FN1: variants seen among roughly 807,000 people sequenced by gnomAD.
FN1 encodes the protein fibronectin 1.
A neutral mutation model predicts 297.3 loss-of-function variants in FN1; 106 were observed. That is an observed-to-expected ratio of 0.36 (90% CI 0.30 to 0.42). The LOEUF is 0.42. Ranked by LOEUF, FN1 falls within the 10% of genes least tolerant of loss-of-function variation. The pLI, the probability that FN1 is intolerant of heterozygous loss-of-function variation, is 1.00. For missense variants in FN1, 2,690 were observed against 3,124.9 expected (o/e 0.86, Z 3.32); for synonymous variants, 1,149 against 1,152.6 (o/e 1.00, Z 0.06).
At chr2:215,376,391 A>G (rs1003336331) in intron 36 of FN1, 107 bp downstream of exon 36, 25 of 1,036,140 alleles carry the variant, frequency 2.4e-5, no homozygotes, top group Non-Finnish European at 3.5e-5. Flanking sequence ...TTATGATGAT[A>G]ACACTGAAAA....
rs193146388 is a variant in FN1 at position 215,361,155 on chromosome 2, C to T, written c.*400G>A. 6 of 220,912 alleles carry T rather than the reference C, an allele frequency of 2.7e-5. No homozygotes were observed. The highest frequency in any genetic ancestry group is 1.1e-4 in the East Asian group (1 of 9,226). The allele number at this position is 220,912 out of a possible 1,614,324, so 13.7% of individuals were successfully genotyped here. A position where few individuals can be genotyped will look rare whatever the true frequency, so the allele number is the denominator to read the frequency against. Reference sequence around the variant, plus strand: ...GATCATGCTTGTTCCTACAGTATTGCGGGCCAGACACTTAAGTGAAAGCAG... The same window carrying T: ...GATCATGCTTGTTCCTACAGTATTGTGGGCCAGACACTTAAGTGAAAGCAG... On this transcript the variant is annotated 3_prime_UTR_variant, in exon 46 of 46. Coordinates refer to ENST00000354785, the MANE Select transcript of FN1 (RefSeq NM_212482.4).
chr2:215,397,093 G>A (rs2060384309), intron 23 of FN1, 44 bp downstream of exon 23: 1 of 1,187,774 alleles, frequency 8.4e-7, no homozygotes, highest in African/African-American at 1.5e-5. Flanking sequence ...TTTGTCTTGG[G>A]AAGGTATGGT....
intron 13 of FN1, 190 bp downstream of exon 13, chr2:215,414,647 A>G (rs2063177858): frequency 7.4e-7 from 1 of 1,346,838 alleles, no homozygotes; most frequent in South Asian, 2.2e-5. Context: ...CCCAAAACCA[A>G]AACCAAAATC....
chr2:215,404,318 G>GT lies in FN1; in HGVS notation c.3253+70dup, dbSNP rs528215490. 1,050 of 1,390,610 alleles carry GT rather than the reference G, an allele frequency of 7.6e-4. 6 individuals are homozygous for GT. In the African/African-American group the frequency reaches 8.1e-3, roughly 11 times the overall value. The allele number at this position is 1,390,610 out of a possible 1,614,324, so 86.1% of individuals were successfully genotyped here. A position where few individuals can be genotyped will look rare whatever the true frequency, so the allele number is the denominator to read the frequency against. Reference sequence around the variant, plus strand: ...TTTAATGTTTTTTTTGTTTTGTTTTGTTTTGTTTTAAAGCATGAAGAATAG... The same window carrying GT: ...TTTAATGTTTTTTTTGTTTTGTTTTGTTTTTGTTTTAAAGCATGAAGAATAG... On this transcript the variant is annotated intron_variant, in intron 20 of 45. Transcript: ENST00000354785.
chr2:215,397,280 A>C (rs2060409395), intron 22 of FN1, 57 bp from the exon 23 acceptor site: 5 of 1,242,824 alleles, frequency 4.0e-6, no homozygotes, highest in Admixed American at 1.7e-5. Context: ...TGACCTGTGT[A>C]ATCTTTCCTC....
In FN1 at chr2:215,388,751, T is replaced by G. The variant is rs1245412721; in HGVS notation, c.4253-450A>C. ...TACAACGTACTGCATATCTTTAAAGTGATGGGTTTTTACATATGTGTGACT... is the reference window on the plus strand; with the variant it reads ...TACAACGTACTGCATATCTTTAAAGGGATGGGTTTTTACATATGTGTGACT... On this transcript the variant is annotated intron_variant, in intron 26 of 45. Coordinates refer to ENST00000354785, the MANE Select transcript of FN1 (RefSeq NM_212482.4). Among the ~76,000 whole-genome samples the G allele has an allele frequency of 6.6e-5, 10 of 152,320 alleles. 1 individual carries two copies. The South Asian group carries it at 2.1e-3, about 32-fold the overall frequency.
In FN1 at chr2:215,424,270, G is replaced by A. The variant is rs533731477; in HGVS notation, c.1092C>T (p.Phe364=). The A allele has an allele frequency of 2.0e-5, 32 of 1,613,988 alleles. No homozygotes were observed. The South Asian group carries it at 3.5e-4, about 18-fold the overall frequency. The change falls in exon 8 of 46, where the codon TTC becomes TTT. Residue 364 remains phenylalanine (F), a synonymous_variant. Coordinates refer to ENST00000354785, the MANE Select transcript of FN1 (RefSeq NM_212482.4). ...AGTAGAACGTCCTGCCATTGTAGGTGAATGGTAAGACACATGGCTCTCCAT... is the reference window on the plus strand; with the variant it reads ...AGTAGAACGTCCTGCCATTGTAGGTAAATGGTAAGACACATGGCTCTCCAT... ...NSNGEPCVLP[F]TYNGRTFYSC... is the part of the protein sequence containing the mutation.
rs367725710 is a variant in FN1 at position 215,419,831 on chromosome 2, T to C, written c.1676-446A>G. Among the ~76,000 whole-genome samples the C allele has an allele frequency of 7.9e-5, 12 of 152,326 alleles. No individual in the cohort carries two copies. The East Asian group carries it at 2.1e-3, about 27-fold the overall frequency. On this transcript the variant is annotated intron_variant, in intron 11 of 45. Coordinates refer to ENST00000354785, the MANE Select transcript of FN1 (RefSeq NM_212482.4). ...AAATGAATGAACTAGACTTTACGAG[T>C]ATACCTGCTGAGCAGCTTCTAAGAA...
intron 35 of FN1, 120 bp downstream of exon 35, chr2:215,378,055 G>A (rs1043070577): frequency 1.8e-5 from 13 of 738,378 alleles, no homozygotes; most frequent in Middle Eastern, 3.5e-4. Flanking sequence ...TGACGCTCCC[G>A]CCTCAGCTTC....
intron 11 of FN1, among the ~76,000 whole-genome samples, chr2:215,420,211 T>C (rs961201496): frequency 6.6e-6 from 1 of 152,096 alleles, no homozygotes; most frequent in Non-Finnish European, 1.5e-5. Flanking sequence ...TGGTGGCGCA[T>C]GCCTGTAATC....
At chr2:215,434,932 T>TTA in intron 1 of FN1, 108 bp from the exon 2 acceptor site, 5 of 1,279,828 alleles carry the variant, frequency 3.9e-6, no homozygotes, top group Non-Finnish European at 5.6e-6. Flanking sequence ...CTTTTAACTT[T>TTA]GCTAAAAGTT....
In FN1 at chr2:215,371,871, G is replaced by C. The variant is rs1299688373; in HGVS notation, c.6714+38C>G. ...TCAGTTACCTAACTTATTCCTTTCT[G>C]TGCTGCCCCATGAGAAGTGAAGAGA... is the stretch of plus-strand genomic sequence containing the variant. On this transcript the variant is annotated intron_variant, in intron 40 of 45. Transcript: ENST00000354785. The C allele has an allele frequency of 3.2e-6, 5 of 1,554,106 alleles. No homozygotes were observed. In the Admixed American group the frequency reaches 8.3e-5, roughly 26 times the overall value.
intron 11 of FN1, 143 bp downstream of exon 11, chr2:215,420,530 G>T (rs552255349): frequency 1.1e-5 from 11 of 1,024,672 alleles, no homozygotes; most frequent in Admixed American, 1.9e-5. Context: ...GTATTAGAGA[G>T]AAGACTTTGC....
chr2:215,381,694 G>A (rs112244322), intron 32 of FN1: 13,979 of 205,326 alleles, frequency 0.068, 654 homozygotes, highest in Non-Finnish European at 0.1. Flanking sequence ...GGCTGGTCTC[G>A]AACTCCTGAC....
chr2:215,419,477 T>C lies in FN1; in HGVS notation c.1676-92A>G, dbSNP rs990224371. The C allele has an allele frequency of 2.0e-5, 22 of 1,104,936 alleles. No individual in the cohort carries two copies. The African/African-American group carries it at 2.0e-4, about 10-fold the overall frequency. The allele number at this position is 1,104,936 out of a possible 1,614,324, so 68.4% of individuals were successfully genotyped here. ...TGCTAGAGCATACATTTAGCTTAAA[T>C]AGAAATTTGCAATTGTTCTTACAAA... On this transcript the variant is annotated intron_variant, in intron 11 of 45. Transcript: ENST00000354785.
chr2:215,429,611 C>T (rs906001529), intron 5 of FN1, among the ~76,000 whole-genome samples: 1 of 152,248 alleles, frequency 6.6e-6, no homozygotes, highest in African/African-American at 2.4e-5. Context: ...TATTATCATC[C>T]CCTGAACCTC....
chr2:215,364,917 C>A lies in FN1; in HGVS notation c.7213G>T (p.Gly2405Cys). The change falls in exon 44 of 46, where the codon GGT becomes TGT. Residue 2405 changes from glycine (G) to cysteine (C), a missense_variant. By Grantham distance (159) the Gly-to-Cys change is radical. Coordinates refer to ENST00000354785, the MANE Select transcript of FN1 (RefSeq NM_212482.4). ...VGEQWQKEYL[G>C]AICSCTCFGG... ...AAGCATGTGCAGGAGCAAATGGCACCGAGATATTCCTTCTGCCACTGTTCT... is the reference window on the plus strand; with the variant it reads ...AAGCATGTGCAGGAGCAAATGGCACAGAGATATTCCTTCTGCCACTGTTCT... 1.3e-6 allele frequency: 2 copies of A among 1,572,742 alleles called. No homozygotes were observed. The highest frequency in any genetic ancestry group is 8.6e-7 in the Non-Finnish European group (1 of 1,157,946).
chr2:215,391,841 A>T, intron 25 of FN1, 27 bp from the exon 26 acceptor site: 1 of 1,605,958 alleles, frequency 6.2e-7, no homozygotes, highest in Non-Finnish European at 8.5e-7. Flanking sequence ...AGGAAGACTC[A>T]GTTAATGTAA....
chr2:215,410,054 T>C lies in FN1; in HGVS notation c.2002A>G (p.Ile668Val), dbSNP rs1185205369. Residue 668 changes from isoleucine (I) to valine (V), a missense_variant, in exon 14 of 46, where the codon ATC (isoleucine) becomes GTC (valine). Coordinates refer to ENST00000354785, the MANE Select transcript of FN1 (RefSeq NM_212482.4). ...TIPGHLNSYT[I>V]KGLKPGVVYE... ...ACCACACCAGGCTTCAGGCCTTTGA[T>C]GGTGTAGGAGTTTAAGTGGCCTGGT... 4.3e-6 allele frequency: 7 copies of C among 1,613,946 alleles called. No individual in the cohort carries two copies. The highest frequency in any genetic ancestry group is 4.0e-5 in the African/African-American group (3 of 74,892).
Sources: allele counts gnomAD v4.1 joint callset (sites outside exome capture counted in the v4.1 genomes callset), GRCh38; gene constraint gnomAD v4.1.1; transcripts MANE v1.5; gene names NCBI Gene and HGNC (gene_info 2026-07-23, HGNC 2026-07-21).